The following TBXAS1 variants were observed in gnomAD, a reference collection of about 807,000 sequenced individuals.
TBXAS1 encodes thromboxane-A synthase.
Under a neutral mutation model 60.7 loss-of-function variants are expected in TBXAS1, and 48 were observed. The ratio of observed to expected loss-of-function variants is 0.79; its 90% CI spans 0.63 to 1.01. The LOEUF (loss-of-function observed/expected upper bound fraction) is 1.01, where lower values mean the gene tolerates loss of function less well. Ranked by LOEUF, TBXAS1 falls within the 50% of genes least tolerant of loss-of-function variation. The pLI is 0.00. For missense variants in TBXAS1, 685 were observed against 686.3 expected, an observed-to-expected ratio of 1.00 and a Z score of 0.02; for synonymous variants, 287 against 269.7, an observed-to-expected ratio of 1.06 and a Z score of -0.63.
At chr7:139,949,696 T>C (rs1809041281) in intron 5 of TBXAS1, among the ~76,000 whole-genome samples, 1 of 152,230 alleles carries the variant, frequency 6.6e-6, no homozygotes, top group South Asian at 2.1e-4. Context: ...AGGATAGTCA[T>C]ACTTATTTTT....
At chr7:139,921,114 A>G (rs1489447961) in intron 4 of TBXAS1, among the ~76,000 whole-genome samples, 1 of 152,168 alleles carries the variant, frequency 6.6e-6, no homozygotes, top group Non-Finnish European at 1.5e-5. Flanking sequence ...TCACTTCCAT[A>G]CACAAACCTT....
chr7:139,884,082 G>A (rs1447131624), intron 3 of TBXAS1, among the ~76,000 whole-genome samples: 1 of 152,190 alleles, frequency 6.6e-6, no homozygotes, highest in African/African-American at 2.4e-5. Flanking sequence ...AGAGGCCATT[G>A]TGTTTGCCTC....
intron 4 of TBXAS1, chr7:139,789,278 G>C (rs1383570592): frequency 6.7e-6 from 1 of 148,260 alleles, no homozygotes; most frequent in Non-Finnish European, 1.5e-5. Flanking sequence ...TTGCTCTGTT[G>C]CCCAGGCTGG....
At chr7:139,820,491 G>A (rs76345931) in intron 4 of TBXAS1, among the ~76,000 whole-genome samples, 14,769 of 152,206 alleles carry the variant, frequency 0.097, 835 homozygotes, top group Non-Finnish European at 0.13. Flanking sequence ...GCTGTGTGAT[G>A]GGGGCACCTG....
chr7:139,815,430 C>T (rs1044496152), intron 4 of TBXAS1, among the ~76,000 whole-genome samples: 3 of 152,176 alleles, frequency 2.0e-5, no homozygotes, highest in Non-Finnish European at 4.4e-5. Context: ...GATTCTAATC[C>T]GCAGCTCTTT....
At chr7:139,993,892 CTTTTTT>C (rs71170931) in intron 9 of TBXAS1, among the ~76,000 whole-genome samples, 2 of 111,708 alleles carry the variant, frequency 1.8e-5, no homozygotes, top group Non-Finnish European at 1.7e-5. Context: ...TTCTTTCTTT[CTTTTTT>C]TTTTTTTTTT....
chr7:140,013,783 C>T lies in TBXAS1; in HGVS notation c.1227-1940C>T, dbSNP rs1270252345. On this transcript the variant is annotated intron_variant, in intron 10 of 12. Transcript: ENST00000448866. This position sits in a 1 kb window ranked among gnomAD's most constrained non-coding sequence, Gnocchi z 4.2. ...CTTGACCAGGCAAACCTGGAGACTG[C>T]ATCAACACCAGCAGCCTCCAACACA... Among the ~76,000 whole-genome samples, 2 of 152,218 alleles carry T rather than the reference C, an allele frequency of 1.3e-5. No individual in the cohort carries two copies. Among genetic ancestry groups the T allele is most frequent in the Non-Finnish European group, 2.9e-5 (2 of 68,044 alleles).
At chr7:139,883,908 A>C (rs975522846) in intron 3 of TBXAS1, among the ~76,000 whole-genome samples, 4 of 152,244 alleles carry the variant, frequency 2.6e-5, no homozygotes, top group Admixed American at 2.0e-4. Context: ...AAACATTTAC[A>C]AGTTGGTCAC....
intron 4 of TBXAS1, among the ~76,000 whole-genome samples, chr7:139,822,622 C>T (rs1039379731): frequency 1.3e-5 from 2 of 152,194 alleles, no homozygotes; most frequent in Admixed American, 6.5e-5. Flanking sequence ...TTCCCCGAGT[C>T]CCTGTCGTAC....
intron 8 of TBXAS1, among the ~76,000 whole-genome samples, chr7:139,959,768 A>G (rs982177063): frequency 2.0e-5 from 3 of 152,168 alleles, no homozygotes; most frequent in Non-Finnish European, 4.4e-5. Context: ...GCCAAGCCTC[A>G]GGGACCACAA....
intron 9 of TBXAS1, among the ~76,000 whole-genome samples, chr7:139,997,514 A>T (rs1389717198): frequency 6.6e-6 from 1 of 152,140 alleles, no homozygotes. Flanking sequence ...GGCAATTTTT[A>T]AAAATTAGGT....
intron 9 of TBXAS1, among the ~76,000 whole-genome samples, chr7:139,984,702 A>C (rs1036262331): frequency 1.4e-5 from 2 of 147,236 alleles, no homozygotes; most frequent in Non-Finnish European, 3.0e-5. Context: ...AGAAGAAAGA[A>C]AAAGAAAGAG....
At chr7:139,792,675 T>C (rs1483856140) in intron 4 of TBXAS1, among the ~76,000 whole-genome samples, 1 of 152,226 alleles carries the variant, frequency 6.6e-6, no homozygotes, top group Non-Finnish European at 1.5e-5. Context: ...TCAGACTCCC[T>C]GTCTGCTTTT....
intron 9 of TBXAS1, among the ~76,000 whole-genome samples, chr7:140,005,236 C>T (rs1813980850): frequency 6.6e-6 from 1 of 152,190 alleles, no homozygotes. Flanking sequence ...GGAGACCAAC[C>T]TGGCCAACAT....
intron 12 of TBXAS1, among the ~76,000 whole-genome samples, chr7:140,018,807 A>T (rs1258659335): frequency 1.3e-5 from 2 of 152,206 alleles, no homozygotes; most frequent in Admixed American, 6.5e-5. Context: ...ATCTAGCTTA[A>T]TGCCAGGCGC....
chr7:139,934,487 C>T (rs904071801), intron 4 of TBXAS1, among the ~76,000 whole-genome samples: 2 of 152,086 alleles, frequency 1.3e-5, no homozygotes, highest in Admixed American at 6.5e-5. Context: ...CATGCCTGGC[C>T]GCAAAGTCTT....
intron 2 of TBXAS1, chr7:139,782,605 A>G (rs1407784051): frequency 1.3e-5 from 2 of 152,140 alleles, no homozygotes; most frequent in African/African-American, 4.8e-5. Flanking sequence ...TCTTAGCATG[A>G]TGTCTGTGTG....
chr7:139,822,805 A>G (rs534169406), intron 4 of TBXAS1, among the ~76,000 whole-genome samples: 1 of 152,202 alleles, frequency 6.6e-6, no homozygotes, highest in African/African-American at 2.4e-5. Flanking sequence ...CCACTGCCTT[A>G]TTCAGGCTGT....
chr7:139,923,948 T>C (rs1230872390), intron 4 of TBXAS1, among the ~76,000 whole-genome samples: 1 of 152,324 alleles, frequency 6.6e-6, no homozygotes, highest in Non-Finnish European at 1.5e-5. Flanking sequence ...TCCAGCTCTA[T>C]CCATGTTGTT....
Sources: gnomAD v4.1 joint callset for allele counts (sites outside exome capture counted in the v4.1 genomes callset) on GRCh38, gnomAD v4.1.1 for gene constraint, Gnocchi (gnomAD v3.1) non-coding constraint, MANE v1.5 for transcripts, NCBI Gene and HGNC (gene_info 2026-07-23, HGNC 2026-07-21) for gene names.